Variants in SPAG16 observed in about 807,000 individuals in gnomAD.
SPAG16 encodes sperm-associated antigen 16 protein.
In SPAG16, 86 loss-of-function variants were observed where a neutral mutation model predicts 80.4. The ratio of observed to expected loss-of-function variants is 1.07; its 90% CI spans 0.90 to 1.28. The LOEUF is 1.28. SPAG16 is among the 50% of genes most tolerant of loss of function. The probability of loss-of-function intolerance (pLI) is 0.00; values close to 1 mark genes in which losing one functional copy is unlikely to be tolerated. For synonymous variants in SPAG16, 294 were observed against 265.9 expected, an observed-to-expected ratio of 1.11 and a Z score of -1.03; for missense variants, 870 against 765.3, an observed-to-expected ratio of 1.14 and a Z score of -1.61.
intron 15 of SPAG16, among the ~76,000 whole-genome samples, chr2:214,406,925 A>G (rs997330638): frequency 2.0e-5 from 3 of 152,150 alleles, no homozygotes; most frequent in African/African-American, 7.2e-5. Context: ...AGGAGTCATA[A>G]TCACTCAGTG....
chr2:213,626,836 C>T lies in SPAG16; in HGVS notation c.1070+136746C>T, dbSNP rs564620960. On this transcript the variant is annotated intron_variant, in intron 10 of 15. Transcript: ENST00000331683. ...CTACTTTTTGTAATTTTAATAGAGA[C>T]GGTGTTTCACCATGTTGGCCAGGCT... is the stretch of plus-strand genomic sequence containing the variant. Among the ~76,000 whole-genome samples the T allele has an allele frequency of 1.7e-4, 26 of 151,948 alleles. No homozygotes were observed. The South Asian group carries it at 4.4e-3, about 26-fold the overall frequency.
chr2:213,878,881 C>A (rs1294129969), intron 11 of SPAG16, among the ~76,000 whole-genome samples: 1 of 152,052 alleles, frequency 6.6e-6, no homozygotes, highest in Non-Finnish European at 1.5e-5. Flanking sequence ...TCCAGTTTTC[C>A]CAGCACCATT....
In SPAG16 at chr2:213,385,792, C is replaced by CCACACACACA. The variant is rs55899353; in HGVS notation, c.942+10689_942+10698dup. Among the ~76,000 whole-genome samples, 458 of 149,432 alleles carry CCACACACACA rather than the reference C, an allele frequency of 3.1e-3. 3 individuals are homozygous for CCACACACACA. The highest frequency in any genetic ancestry group is 0.018 in the East Asian group (89 of 5,060). On this transcript the variant is annotated intron_variant, in intron 9 of 15. Transcript: ENST00000331683. ...TTGTCTCAGATTTCTTCATCTCTGT[C>CCACACACACA]CACACACACACACACACACACACAC...
Position 213,417,556 on chromosome 2 carries a change from C to T in SPAG16, c.942+42437C>T, listed in dbSNP as rs369578555. 4.6e-5 allele frequency among the ~76,000 whole-genome samples: 7 copies of T among 152,290 alleles called. No individual in the cohort carries two copies. The East Asian group carries it at 1.2e-3, about 25-fold the overall frequency. On this transcript the variant is annotated intron_variant, in intron 9 of 15. Coordinates refer to ENST00000331683, the MANE Select transcript of SPAG16 (RefSeq NM_024532.5). ...AAAAACTGTTATAGAACTATTCCTG[C>T]TGATTTCAGTGTAAATTAATTTTGG...
chr2:213,499,040 T>C (rs2074622155), intron 10 of SPAG16, among the ~76,000 whole-genome samples: 1 of 152,174 alleles, frequency 6.6e-6, no homozygotes, highest in Admixed American at 6.5e-5. Flanking sequence ...TCTTTATTTT[T>C]CAAGCCCTTA....
chr2:214,001,925 A>G (rs1309083285), intron 12 of SPAG16, among the ~76,000 whole-genome samples: 1 of 152,230 alleles, frequency 6.6e-6, no homozygotes, highest in Non-Finnish European at 1.5e-5. Flanking sequence ...ATAAAGAAAA[A>G]GAGGTTTAAT....
intron 14 of SPAG16, among the ~76,000 whole-genome samples, chr2:214,113,344 A>G (rs188429393): frequency 1.3e-5 from 2 of 152,130 alleles, no homozygotes; most frequent in Non-Finnish European, 2.9e-5. Context: ...CTCTGTATTT[A>G]CTGAATTTGA....
At chr2:213,928,900 A>G (rs563398423) in intron 11 of SPAG16, among the ~76,000 whole-genome samples, 22 of 80,010 alleles carry the variant, frequency 2.7e-4, no homozygotes, top group African/African-American at 8.7e-4. Context: ...CTTGCAGCTG[A>G]TGTTACACAC....
At chr2:213,889,331 A>T (rs2076687310) in intron 11 of SPAG16, among the ~76,000 whole-genome samples, 1 of 151,982 alleles carries the variant, frequency 6.6e-6, no homozygotes, top group African/African-American at 2.4e-5. Context: ...ATATTTTACC[A>T]GGCTGAGAAA....
chr2:213,551,938 T>C (rs2076791776), intron 10 of SPAG16, among the ~76,000 whole-genome samples: 1 of 152,168 alleles, frequency 6.6e-6, no homozygotes, highest in Admixed American at 6.5e-5. Context: ...TCCCAAGATC[T>C]TTATAGGCTT....
At chr2:214,144,264 AT>A (rs1441090068) in intron 14 of SPAG16, among the ~76,000 whole-genome samples, 1 of 152,160 alleles carries the variant, frequency 6.6e-6, no homozygotes, top group Non-Finnish European at 1.5e-5. Context: ...GAGGAGTTTA[AT>A]TATTTGTAGT....
intron 10 of SPAG16, among the ~76,000 whole-genome samples, chr2:213,510,763 T>C (rs2075194410): frequency 6.6e-6 from 1 of 152,190 alleles, no homozygotes; most frequent in Non-Finnish European, 1.5e-5. Context: ...TGTGAGTGGA[T>C]TAAGTGAGAA....
chr2:214,165,317 T>C (rs2056601896), intron 15 of SPAG16, among the ~76,000 whole-genome samples: 1 of 152,012 alleles, frequency 6.6e-6, no homozygotes, highest in Admixed American at 6.6e-5. Flanking sequence ...CATCTCAACG[T>C]AGGGGGCTTC....
In SPAG16 at chr2:213,900,461, A is replaced by G. The variant is rs545735734; in HGVS notation, c.1215-29499A>G. On this transcript the variant is annotated intron_variant, in intron 11 of 15. Transcript: ENST00000331683. ...GATAAATTGTTAGCAATTCTTTAAC[A>G]TAATTTCTGTCCTCTCCCTGCAACA... is the stretch of plus-strand genomic sequence containing the variant. Among the ~76,000 whole-genome samples, 10 of 152,264 alleles carry G rather than the reference A, an allele frequency of 6.6e-5. No individual in the cohort carries two copies. The South Asian group carries it at 2.1e-3, about 32-fold the overall frequency.
chr2:214,294,604 C>A (rs1333269169), intron 15 of SPAG16, among the ~76,000 whole-genome samples: 1 of 152,150 alleles, frequency 6.6e-6, no homozygotes, highest in Non-Finnish European at 1.5e-5. Context: ...TCATGATTTG[C>A]CACTGCAAAC....
At chr2:213,796,515 CA>C (rs1161002472) in intron 10 of SPAG16, among the ~76,000 whole-genome samples, 3 of 152,182 alleles carry the variant, frequency 2.0e-5, no homozygotes, top group Non-Finnish European at 4.4e-5. Context: ...TATGGATATA[CA>C]GTCATGTGCC....
intron 10 of SPAG16, among the ~76,000 whole-genome samples, chr2:213,779,687 C>T (rs936899636): frequency 6.6e-6 from 1 of 152,136 alleles, no homozygotes; most frequent in Non-Finnish European, 1.5e-5. Context: ...GAGCCTGTAC[C>T]AGTCATTGGC....
chr2:214,131,565 C>T (rs2054779988), intron 14 of SPAG16, among the ~76,000 whole-genome samples: 1 of 151,572 alleles, frequency 6.6e-6, no homozygotes, highest in Admixed American at 6.6e-5. Context: ...AAATGTCCTC[C>T]AGTAGGTGAA....
intron 15 of SPAG16, among the ~76,000 whole-genome samples, chr2:214,208,281 G>C (rs2058200692): frequency 6.6e-6 from 1 of 152,066 alleles, no homozygotes; most frequent in Non-Finnish European, 1.5e-5. Flanking sequence ...TTCACCTCTA[G>C]AGAAATCTCA....
Sources: allele counts gnomAD v4.1 joint callset (sites outside exome capture counted in the v4.1 genomes callset), GRCh38; gene constraint gnomAD v4.1.1; transcripts MANE v1.5; gene names NCBI Gene and HGNC (gene_info 2026-07-23, HGNC 2026-07-21).